ARAP2: variants seen among roughly 807,000 people sequenced by gnomAD.
ARAP2 encodes arf-GAP with Rho-GAP domain, ANK repeat and PH domain-containing protein 2.
In ARAP2, 148 loss-of-function variants were observed where a neutral mutation model predicts 194.5. The ratio of observed to expected loss-of-function variants is 0.76; its 90% CI spans 0.67 to 0.87. ARAP2 has a LOEUF of 0.87. ARAP2 is among the 40% of genes least tolerant of loss of function. The pLI is 0.00. For synonymous variants in ARAP2, 695 were observed against 683.5 expected, an observed-to-expected ratio of 1.02 and a Z score of -0.26; for missense variants, 2,128 against 1,989.7, an observed-to-expected ratio of 1.07 and a Z score of -1.32.
At chr4:36,095,649 T>C (rs1035520828) in intron 27 of ARAP2, among the ~76,000 whole-genome samples, 13 of 152,140 alleles carry the variant, frequency 8.5e-5, no homozygotes, top group African/African-American at 2.9e-4. Context: ...CACGTAGAAA[T>C]CATTTCAACT....
chr4:36,189,310 T>A (rs1228863653), intron 7 of ARAP2, among the ~76,000 whole-genome samples: 1 of 152,216 alleles, frequency 6.6e-6, no homozygotes. Context: ...CATAGTGATG[T>A]CATGATACAT....
At chr4:36,185,872 G>A (rs1740428587) in intron 8 of ARAP2, among the ~76,000 whole-genome samples, 1 of 151,694 alleles carries the variant, frequency 6.6e-6, no homozygotes, top group South Asian at 2.1e-4. Context: ...CAGGTACTTG[G>A]GAGGCTGAGC....
chr4:36,029,460 A>G (rs11096796), intron 5 of ARAP2, among the ~76,000 whole-genome samples: 112,139 of 151,872 alleles, frequency 0.74, 42,297 homozygotes, highest in Admixed American at 0.85. Flanking sequence ...TTTGTCTCAT[A>G]TTCATTTGTC....
At chr4:36,018,909 T>C (rs1022197665) in intron 6 of ARAP2, among the ~76,000 whole-genome samples, 14 of 137,554 alleles carry the variant, frequency 1.0e-4, no homozygotes, top group African/African-American at 4.0e-4. Context: ...TTTTGAACAA[T>C]GTGGATGAGG....
intron 9 of ARAP2, among the ~76,000 whole-genome samples, chr4:36,010,367 G>T (rs533761955): frequency 6.6e-6 from 1 of 151,818 alleles, no homozygotes; most frequent in South Asian, 2.1e-4. Context: ...TCTATACAAC[G>T]GTCTAGTCCT....
At chr4:36,207,400 C>T (rs1217293499) in intron 6 of ARAP2, among the ~76,000 whole-genome samples, 1 of 152,126 alleles carries the variant, frequency 6.6e-6, no homozygotes, top group African/African-American at 2.4e-5. Flanking sequence ...GTTTTTAAAC[C>T]ACTAGTTTTA....
At chr4:36,055,619 A>G (rs1723371199) in intron 2 of ARAP2, among the ~76,000 whole-genome samples, 1 of 151,880 alleles carries the variant, frequency 6.6e-6, no homozygotes, top group South Asian at 2.1e-4. Context: ...GCTGGAGTGC[A>G]ATGGCGTGAT....
rs753853090 is a variant in ARAP2 at position 36,160,680 on chromosome 4, C to T, written c.2260-39G>A. On this transcript the variant is annotated intron_variant, in intron 12 of 32. Coordinates refer to ENST00000303965, the MANE Select transcript of ARAP2 (RefSeq NM_015230.4). ...AAAAAAACCCCATAATATATCAGTT[C>T]ATAAAATATATTTGAATCTGCAGGA... 12 of 1,338,100 alleles carry T rather than the reference C, an allele frequency of 9.0e-6. No homozygotes were observed. The East Asian group carries it at 1.1e-4, about 13-fold the overall frequency. 82.9% of individuals were successfully genotyped at this position (1,338,100 alleles called of 1,614,324 possible).
At chr4:36,187,652 A>G in intron 7 of ARAP2, 81 bp from the exon 8 acceptor site, 1 of 1,227,988 alleles carries the variant, frequency 8.1e-7, no homozygotes, top group South Asian at 1.8e-5. Flanking sequence ...CACAGTATTT[A>G]TAACTGCTTC....
At chr4:36,046,113 A>T (rs1721792003) in intron 4 of ARAP2, 1 of 152,192 alleles carries the variant, frequency 6.6e-6, no homozygotes, top group Admixed American at 6.5e-5. Context: ...AGGTCATTGT[A>T]AACTAGGCAT....
chr4:36,182,189 C>T (rs1354063403), intron 8 of ARAP2, among the ~76,000 whole-genome samples: 1 of 152,120 alleles, frequency 6.6e-6, no homozygotes, highest in African/African-American at 2.4e-5. Context: ...GTACTTTTTA[C>T]TCTCAGTAAG....
At chr4:36,197,107 C>A (rs1168179445) in intron 6 of ARAP2, among the ~76,000 whole-genome samples, 1 of 151,608 alleles carries the variant, frequency 6.6e-6, no homozygotes, top group Non-Finnish European at 1.5e-5. Flanking sequence ...CCTTCCTTAT[C>A]TTTTTGCAAA....
intron 6 of ARAP2, among the ~76,000 whole-genome samples, chr4:36,017,640 G>A (rs1716108238): frequency 6.9e-6 from 1 of 144,726 alleles, no homozygotes; most frequent in Non-Finnish European, 1.5e-5. Context: ...ATGGTCTTGG[G>A]GAGAAATGTG....
At chr4:36,158,906 T>C (rs374189441) in intron 14 of ARAP2, 42 bp from the exon 15 acceptor site, 342 of 1,543,456 alleles carry the variant, frequency 2.2e-4, no homozygotes, top group Non-Finnish European at 3.0e-4. Flanking sequence ...ATCTAAAATG[T>C]AAACAATTTT....
At position 36,244,503 on chromosome 4, in the gene ARAP2, C is replaced by T. The variant is rs1754288523; in HGVS notation, c.-484G>A. On this transcript the variant is annotated 5_prime_UTR_variant, in exon 1 of 33. Coordinates refer to ENST00000303965, the MANE Select transcript of ARAP2 (RefSeq NM_015230.4). ...AGGTGCTCCCGCGCCTCGCCTCGGCCGCCGCTTCCTCTCCGCCCGCGGGGG... is the reference window on the plus strand; with the variant it reads ...AGGTGCTCCCGCGCCTCGCCTCGGCTGCCGCTTCCTCTCCGCCCGCGGGGG... 1 of 151,246 alleles carries T rather than the reference C, an allele frequency of 6.6e-6. No individual in the cohort carries two copies. Among genetic ancestry groups the T allele is most frequent in the Non-Finnish European group, 1.5e-5 (1 of 67,720 alleles). The allele number at this position is 151,246 out of a possible 1,614,324, so 9.4% of individuals were successfully genotyped here. A position where few individuals can be genotyped will look rare whatever the true frequency, so the allele number is the denominator to read the frequency against.
downstream of ARAP2, among the ~76,000 whole-genome samples, chr4:36,064,262 C>T (rs1432097502): frequency 2.0e-5 from 3 of 151,006 alleles, no homozygotes; most frequent in African/African-American, 7.3e-5. Flanking sequence ...GAGTCCCAAC[C>T]TCAGGTCTGC....
At chr4:36,181,124 TACC>T (rs1739143428) in intron 8 of ARAP2, among the ~76,000 whole-genome samples, 1 of 152,206 alleles carries the variant, frequency 6.6e-6, no homozygotes, top group African/African-American at 2.4e-5. Context: ...TTCTTATTCT[TACC>T]GATAACAAAT....
chr4:36,125,323 A>G (rs1723633171), intron 21 of ARAP2, among the ~76,000 whole-genome samples: 1 of 152,004 alleles, frequency 6.6e-6, no homozygotes, highest in Admixed American at 6.6e-5. Flanking sequence ...ACTGGAGTAC[A>G]AACTGAAGAG....
chr4:36,160,168 A>G, intron 13 of ARAP2: 1 of 1,042,378 alleles, frequency 9.6e-7, no homozygotes, highest in Non-Finnish European at 1.1e-6. Flanking sequence ...CCCACATTAT[A>G]TCAGTCCTCA....
Sources: allele counts gnomAD v4.1 joint callset (sites outside exome capture counted in the v4.1 genomes callset), GRCh38; gene constraint gnomAD v4.1.1; transcripts MANE v1.5; gene names NCBI Gene and HGNC (gene_info 2026-07-23, HGNC 2026-07-21).